Variants in MEIS2 observed in about 807,000 individuals in gnomAD.
MEIS2 encodes Meis homeobox 2.
A neutral mutation model predicts 58.6 loss-of-function variants in MEIS2; 9 were observed. That is an observed-to-expected ratio of 0.15 (90% CI 0.09 to 0.27). MEIS2 has a LOEUF of 0.27. MEIS2 is among the 10% of genes least tolerant of loss of function. The pLI is 1.00. For missense variants in MEIS2, 427 were observed against 635.0 expected, an observed-to-expected ratio of 0.67 and a Z score of 3.52; for synonymous variants, 221 against 228.4, an observed-to-expected ratio of 0.97 and a Z score of 0.29.
In MEIS2 at chr15:36,889,952, TA is replaced by T. The variant is rs2055791884; in HGVS notation, c.*2220del. The T allele has an allele frequency of 6.6e-6, 1 of 152,190 alleles. No homozygotes were observed. The highest frequency in any genetic ancestry group is 1.5e-5 in the Non-Finnish European group (1 of 68,012). The allele number at this position is 152,190 out of a possible 1,614,324, so 9.4% of individuals were successfully genotyped here. A position where few individuals can be genotyped will look rare whatever the true frequency, so the allele number is the denominator to read the frequency against. ...TATGTTTAAACAGCAACACAACACT[TA>T]AACTGAAATGTATTTGTAAAAATTC... On this transcript the variant is annotated 3_prime_UTR_variant, in exon 12 of 12. Transcript: ENST00000561208.
Position 36,941,709 on chromosome 15 carries a change from T to A in MEIS2, c.977+8615A>T, listed in dbSNP as rs368610855. 6.6e-5 allele frequency among the ~76,000 whole-genome samples: 10 copies of A among 152,284 alleles called. No homozygotes were observed. The East Asian group carries it at 1.5e-3, about 24-fold the overall frequency. ...TCTGTGACCATCTCTGTAAAGGAGATCAATCTATCAATCACGGAAAAAGGA... is the reference window on the plus strand; with the variant it reads ...TCTGTGACCATCTCTGTAAAGGAGAACAATCTATCAATCACGGAAAAAGGA... On this transcript the variant is annotated intron_variant, in intron 9 of 11. Coordinates refer to ENST00000561208, the MANE Select transcript of MEIS2 (RefSeq NM_170675.5).
intron 9 of MEIS2, among the ~76,000 whole-genome samples, chr15:36,916,352 G>A (rs570808161): frequency 6.1e-4 from 92 of 151,292 alleles, no homozygotes; most frequent in Admixed American, 1.6e-3. Context: ...GTGTGAACCC[G>A]GTAGGCAGAG....
chr15:37,024,523 C>A (rs1488641636), intron 8 of MEIS2, among the ~76,000 whole-genome samples: 1 of 152,144 alleles, frequency 6.6e-6, no homozygotes, highest in African/African-American at 2.4e-5. Context: ...AAACCTAAGG[C>A]CTCTATATAC....
chr15:37,033,453 T>A (rs1028881880), intron 8 of MEIS2, among the ~76,000 whole-genome samples: 2 of 151,988 alleles, frequency 1.3e-5, no homozygotes, highest in Admixed American at 6.6e-5. Flanking sequence ...GCTTCTTTTT[T>A]AAAAAAGAAA....
chr15:36,991,092 A>G (rs556928799), intron 8 of MEIS2, among the ~76,000 whole-genome samples: 7 of 152,298 alleles, frequency 4.6e-5, no homozygotes, highest in African/African-American at 1.2e-4. Context: ...TCAACACCAC[A>G]TTAGGCACTT....
chr15:37,022,026 T>C (rs1000720681), intron 8 of MEIS2, among the ~76,000 whole-genome samples: 1 of 152,142 alleles, frequency 6.6e-6, no homozygotes, highest in African/African-American at 2.4e-5. Context: ...TTTGAGAATA[T>C]AGGTGACTTT....
At chr15:37,026,356 T>C (rs1423983755) in intron 8 of MEIS2, among the ~76,000 whole-genome samples, 1 of 152,164 alleles carries the variant, frequency 6.6e-6, no homozygotes, top group Non-Finnish European at 1.5e-5. Context: ...AAAAAAGCCA[T>C]TTTCCAATTC....
intron 8 of MEIS2, among the ~76,000 whole-genome samples, chr15:36,995,706 TAA>T (rs71821151): frequency 2.4e-3 from 10 of 4,120 alleles, no homozygotes; most frequent in African/African-American, 8.9e-3. Flanking sequence ...TTACAGCTAC[TAA>T]AAAAAAAAAA....
intron 8 of MEIS2, among the ~76,000 whole-genome samples, chr15:37,005,331 A>G (rs898771171): frequency 2.6e-5 from 4 of 152,248 alleles, no homozygotes; most frequent in African/African-American, 9.6e-5. Flanking sequence ...AAAAGTGAAC[A>G]GTGGGACTTC....
chr15:37,049,929 AC>A (rs2062844417), intron 7 of MEIS2, among the ~76,000 whole-genome samples: 2 of 152,150 alleles, frequency 1.3e-5, no homozygotes. Context: ...AAGGCCACTT[AC>A]TAATCTTGTC....
intron 6 of MEIS2, among the ~76,000 whole-genome samples, chr15:37,084,334 T>C (rs1892615491): frequency 6.6e-6 from 1 of 151,736 alleles, no homozygotes; most frequent in African/African-American, 2.4e-5. Context: ...CAAAATTCAA[T>C]GACTCCATTA....
At chr15:36,936,214 A>AT (rs2058166442) in intron 9 of MEIS2, among the ~76,000 whole-genome samples, 1 of 129,948 alleles carries the variant, frequency 7.7e-6, no homozygotes, top group African/African-American at 3.1e-5. Flanking sequence ...TTTTTTTTTG[A>AT]GATAGAGAAT....
rs1490440825 is a variant in MEIS2, at chr15:36,952,607, C to CTCTCTGTG, written c.901-2208_901-2207insCACAGAGA. Among the ~76,000 whole-genome samples the CTCTCTGTG allele has an allele frequency of 3.1e-3, 437 of 140,074 alleles. 1 individual carries two copies. The highest frequency in any genetic ancestry group is 7.5e-3 in the Middle Eastern group (2 of 266). The allele number at this position is 140,074 out of a possible 152,430, so 91.9% of individuals were successfully genotyped here. On this transcript the variant is annotated intron_variant, in intron 8 of 11. Transcript: ENST00000561208. Reference sequence around the variant, plus strand: ...AGAGTCTGTCTGTCTGTCTCTCTCTCTGTGTGTGTGTGTGTGTGTGTGTGT... The same window carrying CTCTCTGTG: ...AGAGTCTGTCTGTCTGTCTCTCTCTCTCTCTGTGTGTGTGTGTGTGTGTGTGTGTGTGT...
At chr15:37,049,482 T>C (rs1362970735) in intron 7 of MEIS2, among the ~76,000 whole-genome samples, 1 of 151,886 alleles carries the variant, frequency 6.6e-6, no homozygotes, top group Non-Finnish European at 1.5e-5. Flanking sequence ...TTTTTGTTTT[T>C]GTTTTTGTTT....
chr15:36,938,970 G>C lies in MEIS2; in HGVS notation c.977+11354C>G, dbSNP rs1158038609. ...CCCCGCTGCAGCTCTGTGGACAGGG[G>C]TGTCAGCCTTTCTCACTGGACCTCG... is the stretch of plus-strand genomic sequence containing the variant. On this transcript the variant is annotated intron_variant, in intron 9 of 11. Coordinates refer to ENST00000561208, the MANE Select transcript of MEIS2 (RefSeq NM_170675.5). 3.3e-5 allele frequency among the ~76,000 whole-genome samples: 5 copies of C among 152,178 alleles called. No individual in the cohort carries two copies. In the South Asian group the frequency reaches 1.0e-3, roughly 32 times the overall value.
At chr15:37,096,134 C>T (rs1288294858) in intron 3 of MEIS2, 155 bp downstream of exon 3, 3 of 776,740 alleles carry the variant, frequency 3.9e-6, no homozygotes, top group Middle Eastern at 3.9e-4. Context: ...CAATTCGCCC[C>T]CAGGCTCAGG....
chr15:37,047,248 AG>A (rs2062713955), intron 7 of MEIS2, among the ~76,000 whole-genome samples: 1 of 152,178 alleles, frequency 6.6e-6, no homozygotes, highest in Non-Finnish European at 1.5e-5. Context: ...CTCAAGTCCC[AG>A]CTCTCAAATT....
chr15:36,919,281 T>C (rs1389035413), intron 9 of MEIS2, among the ~76,000 whole-genome samples: 1 of 152,118 alleles, frequency 6.6e-6, no homozygotes, highest in Admixed American at 6.6e-5. Flanking sequence ...TTTTATGTAC[T>C]TAAGAAATTT....
At chr15:37,011,227 T>A (rs1371374521) in intron 8 of MEIS2, among the ~76,000 whole-genome samples, 3 of 152,254 alleles carry the variant, frequency 2.0e-5, no homozygotes, top group African/African-American at 7.2e-5. Context: ...AAAGTAGTTA[T>A]CTCTTGTCTC....
Sources: allele counts gnomAD v4.1 joint callset (sites outside exome capture counted in the v4.1 genomes callset), GRCh38; gene constraint gnomAD v4.1.1; transcripts MANE v1.5; gene names NCBI Gene and HGNC (gene_info 2026-07-23, HGNC 2026-07-21).